SARM1: variants seen among roughly 807,000 people sequenced by gnomAD.
SARM1 encodes the protein sterile alpha and TIR motif containing 1.
Under a neutral mutation model 65.1 loss-of-function variants are expected in SARM1, and 60 were observed. That is an observed-to-expected ratio of 0.92 (90% CI 0.75 to 1.14). SARM1 has a LOEUF of 1.14. SARM1 is among the 50% of genes most tolerant of loss of function. The pLI is 0.00. For missense variants in SARM1, 913 were observed against 1,015.7 expected, an observed-to-expected ratio of 0.90 and a Z score of 1.37; for synonymous variants, 417 against 465.4, an observed-to-expected ratio of 0.90 and a Z score of 1.34.
At chr17:28,390,431 G>T (rs1555586715) in intron 7 of SARM1, among the ~76,000 whole-genome samples, 1 of 152,116 alleles carries the variant, frequency 6.6e-6, no homozygotes, top group Non-Finnish European at 1.5e-5. Context: ...GGGGGAAGGG[G>T]ATTCTCTATA....
intron 7 of SARM1, among the ~76,000 whole-genome samples, chr17:28,392,534 A>T (rs1427383600): frequency 1.3e-5 from 2 of 152,210 alleles, no homozygotes; most frequent in African/African-American, 4.8e-5. Context: ...AAATTGCTGC[A>T]GGCTCAGGAT....
chr17:28,379,473 G>A (rs1555584936), intron 1 of SARM1, among the ~76,000 whole-genome samples: 1 of 151,908 alleles, frequency 6.6e-6, no homozygotes, highest in East Asian at 1.9e-4. Flanking sequence ...ACCACGCCCG[G>A]CTAATTTTTT....
In SARM1 at chr17:28,381,575, G is replaced by GGAGGTGGAGCGC. The variant is rs782231593; in HGVS notation, c.856_867dup (p.Glu286_Arg289dup). ...CAGTAGCGGTGTTGGCGACTAACAA[G>GGAGGTGGAGCGC]GAGGTGGAGCGCGAGGTGGAGCGCT... is the stretch of plus-strand genomic sequence containing the variant. On this transcript the variant is annotated inframe_insertion, in exon 2 of 9. Coordinates refer to ENST00000585482, the MANE Select transcript of SARM1 (RefSeq NM_015077.4). The GGAGGTGGAGCGC allele has an allele frequency of 1.4e-5, 23 of 1,592,550 alleles. No individual in the cohort carries two copies. The highest frequency in any genetic ancestry group is 8.0e-5 in the South Asian group (7 of 87,452).
chr17:28,388,875 A>G (rs2068067154), intron 7 of SARM1, among the ~76,000 whole-genome samples: 1 of 149,538 alleles, frequency 6.7e-6, no homozygotes, highest in Admixed American at 6.7e-5. Flanking sequence ...GGTTCACACC[A>G]TTCTCCTCCC....
Position 28,400,627 on chromosome 17 carries a change from G to A in SARM1, c.*4341G>A, listed in dbSNP as rs1555589324. On this transcript the variant is annotated 3_prime_UTR_variant, in exon 9 of 9. Coordinates refer to ENST00000585482, the MANE Select transcript of SARM1 (RefSeq NM_015077.4). Reference sequence around the variant, plus strand: ...TGCATTACCCAATCAGAACAGCCGGGATGAGCAGGAGGCCAGCTCCCAGGA... The same window carrying A: ...TGCATTACCCAATCAGAACAGCCGGAATGAGCAGGAGGCCAGCTCCCAGGA... The A allele has an allele frequency of 6.2e-7, 1 of 1,613,750 alleles. No homozygotes were observed. The highest frequency in any genetic ancestry group is 8.5e-7 in the Non-Finnish European group (1 of 1,179,802).
chr17:28,371,916 T>G lies in SARM1; in HGVS notation c.-117T>G. 1 of 698,978 alleles carries G rather than the reference T, an allele frequency of 1.4e-6. No individual in the cohort carries two copies. The highest frequency in any genetic ancestry group is 2.1e-6 in the Non-Finnish European group (1 of 465,256). 43.3% of individuals were successfully genotyped at this position (698,978 alleles called of 1,614,324 possible). A position where few individuals can be genotyped will look rare whatever the true frequency, so the allele number is the denominator to read the frequency against. On this transcript the variant is annotated 5_prime_UTR_variant, in exon 1 of 9. Transcript: ENST00000585482. The stretch of plus-strand genomic sequence containing the variant: ...CCCTTGCCTGGTACCCTTCTCTCCA[T>G]TCCTCCCCCTCCATCTTCTTTCCCC...
chr17:28,378,205 C>T (rs1470919952), intron 1 of SARM1, among the ~76,000 whole-genome samples: 3 of 152,200 alleles, frequency 2.0e-5, no homozygotes, highest in Admixed American at 6.5e-5. Flanking sequence ...TTCTCTTTGA[C>T]ATCAAGATAA....
rs782576278 is a variant in SARM1, at chr17:28,400,651, G to A, written c.*4365G>A. The A allele has an allele frequency of 3.0e-5, 49 of 1,613,640 alleles. No homozygotes were observed. Among genetic ancestry groups the A allele is most frequent in the Non-Finnish European group, 4.0e-5 (47 of 1,179,830 alleles). ...GGATGAGCAGGAGGCCAGCTCCCAG[G>A]AGGAAGGGGAACCCCTTCATAAAGT... On this transcript the variant is annotated 3_prime_UTR_variant, in exon 9 of 9. Transcript: ENST00000585482.
intron 1 of SARM1, among the ~76,000 whole-genome samples, chr17:28,380,137 G>T (rs1555585026): frequency 1.4e-5 from 2 of 141,256 alleles, no homozygotes; most frequent in Admixed American, 7.6e-5. Context: ...GTCCAGGATG[G>T]TCTCAAGTGA....
At position 28,402,382 on chromosome 17, in the gene SARM1, A is replaced by G. The variant is rs2068208219; in HGVS notation, c.*6096A>G. ...CTGGGGAGAGGGGCGTCCAAGGGAA[A>G]GGCAGCAGAGCTCCTATCCATACCC... On this transcript the variant is annotated 3_prime_UTR_variant, in exon 9 of 9. Transcript: ENST00000585482. 4 of 1,430,898 alleles carry G rather than the reference A, an allele frequency of 2.8e-6. No individual in the cohort carries two copies. The Admixed American group carries it at 7.4e-5, about 26-fold the overall frequency. The allele number at this position is 1,430,898 out of a possible 1,614,324, so 88.6% of individuals were successfully genotyped here.
chr17:28,371,769 G>C lies in SARM1; in HGVS notation c.-264G>C, dbSNP rs2067955108. On this transcript the variant is annotated 5_prime_UTR_variant, in exon 1 of 9. Transcript: ENST00000585482. ...CCGCCTCCTCTACCCTACGGCGTCC[G>C]GAGCCATCCCTCGCCTGCTCGCTCT... is the stretch of plus-strand genomic sequence containing the variant. The C allele has an allele frequency of 5.4e-6, 2 of 369,188 alleles. No homozygotes were observed. Among genetic ancestry groups the C allele is most frequent in the Non-Finnish European group, 9.7e-6 (2 of 205,706 alleles). The allele number at this position is 369,188 out of a possible 1,614,324, so 22.9% of individuals were successfully genotyped here.
intron 1 of SARM1, among the ~76,000 whole-genome samples, chr17:28,375,394 C>T (rs553757106): frequency 6.6e-6 from 1 of 151,654 alleles, no homozygotes; most frequent in South Asian, 2.1e-4. Context: ...GTCAGGAGTT[C>T]GAGACCACTC....
chr17:28,372,316 T>C lies in SARM1; in HGVS notation c.284T>C (p.Val95Ala). The C allele has an allele frequency of 6.9e-7, 1 of 1,450,772 alleles. No individual in the cohort carries two copies. The highest frequency in any genetic ancestry group is 9.0e-7 in the Non-Finnish European group (1 of 1,109,886). The allele number at this position is 1,450,772 out of a possible 1,614,324, so 89.9% of individuals were successfully genotyped here. The change falls in exon 1 of 9, where the codon GTC becomes GCC. Residue 95 changes from valine to alanine, a missense_variant. Coordinates refer to ENST00000585482, the MANE Select transcript of SARM1 (RefSeq NM_015077.4). The surrounding 1 kb of genome is among the most constrained non-coding windows in gnomAD (Gnocchi z 5.2). ...GCCGTGGGCGCCGGCCTGGCCGAGG[T>C]CTTCCAACTGGTGGAGGAGGCCTGG... Reference protein sequence around the residue: ...ARAVGAGLAEVFQLVEEAWLL... With the variant: ...ARAVGAGLAEAFQLVEEAWLL...
chr17:28,399,345 C>A lies in SARM1; in HGVS notation c.*3059C>A. The A allele has an allele frequency of 2.9e-6, 1 of 342,356 alleles. No individual in the cohort carries two copies. The allele number at this position is 342,356 out of a possible 1,614,324, so 21.2% of individuals were successfully genotyped here. A position where few individuals can be genotyped will look rare whatever the true frequency, so the allele number is the denominator to read the frequency against. On this transcript the variant is annotated 3_prime_UTR_variant, in exon 9 of 9. Transcript: ENST00000585482. The stretch of plus-strand genomic sequence containing the variant: ...CCTGAAGTGTCACCTCTCTCAGGAC[C>A]TCTCCTCTGGCCTGTGGGGTTATAA...
rs189746081 is a variant in SARM1, at chr17:28,385,914, G to T, written c.1630+639G>T. ...TGGTTTTTAAGATATTATCCCATCA[G>T]TCTCTATATTGATTCTATGCAATGA... On this transcript the variant is annotated intron_variant, in intron 5 of 8. Transcript: ENST00000585482. The surrounding 1 kb of genome is among the most constrained non-coding windows in gnomAD (Gnocchi z 4.5). Among the ~76,000 whole-genome samples, 2 of 152,186 alleles carry T rather than the reference G, an allele frequency of 1.3e-5. No individual in the cohort carries two copies. Among genetic ancestry groups the T allele is most frequent in the East Asian group, 3.8e-4 (2 of 5,196 alleles).
At chr17:28,388,139 G>A (rs1555586307) in intron 5 of SARM1, 35 bp from the exon 6 acceptor site, 1 of 1,423,344 alleles carries the variant, frequency 7.0e-7, no homozygotes, top group Non-Finnish European at 9.7e-7. Context: ...ATGCGGAGGG[G>A]CCACCTTCAC....
intron 7 of SARM1, among the ~76,000 whole-genome samples, chr17:28,389,268 TG>T (rs1205425587): frequency 6.6e-6 from 1 of 152,110 alleles, no homozygotes; most frequent in East Asian, 1.9e-4. Flanking sequence ...CCTAGAACAT[TG>T]TTATAAGGAC....
intron 1 of SARM1, among the ~76,000 whole-genome samples, chr17:28,377,979 T>G (rs1277596300): frequency 2.0e-5 from 3 of 152,198 alleles, no homozygotes; most frequent in Non-Finnish European, 2.9e-5. Context: ...ATTACAGGCA[T>G]GAGCCACTGC....
At position 28,401,110 on chromosome 17, in the gene SARM1, G is replaced by C. The variant is rs2068192743; in HGVS notation, c.*4824G>C. ...GCTTTTTTCTGGTTTATCCTCTTTG[G>C]AATCATCTCCTGTTTGGGATTAACT... On this transcript the variant is annotated 3_prime_UTR_variant, in exon 9 of 9. Coordinates refer to ENST00000585482, the MANE Select transcript of SARM1 (RefSeq NM_015077.4). 1 of 350,540 alleles carries C rather than the reference G, an allele frequency of 2.9e-6. No homozygotes were observed. The highest frequency in any genetic ancestry group is 2.1e-5 in the African/African-American group (1 of 47,102). The allele number at this position is 350,540 out of a possible 1,614,324, so 21.7% of individuals were successfully genotyped here.
Sources: gnomAD v4.1 joint callset for allele counts (sites outside exome capture counted in the v4.1 genomes callset) on GRCh38, gnomAD v4.1.1 for gene constraint, Gnocchi (gnomAD v3.1) non-coding constraint, MANE v1.5 for transcripts, NCBI Gene and HGNC (gene_info 2026-07-23, HGNC 2026-07-21) for gene names.